DPEP1: variants seen among roughly 807,000 people sequenced by gnomAD.
The protein encoded by DPEP1 is beta-lactamase.
In DPEP1, 50 loss-of-function variants were observed where a neutral mutation model predicts 42.3. The ratio of observed to expected loss-of-function variants is 1.18; its 90% CI spans 0.94 to 1.50. The LOEUF is 1.50. Among genes scored for constraint, DPEP1 ranks in the 40% most tolerant of loss-of-function variants. DPEP1 has a pLI of 0.00. For missense variants in DPEP1, 663 were observed against 553.0 expected, an observed-to-expected ratio of 1.20 and a Z score of -1.99; for synonymous variants, 297 against 234.0, an observed-to-expected ratio of 1.27 and a Z score of -2.46.
At position 89,637,383 on chromosome 16, in the gene DPEP1, G is replaced by T. The variant is rs766770308; in HGVS notation, c.768+3G>T. ...CTGACGACGTCCTGAGGCTGGTGGT[G>T]AGGGCCGAGGGGGCGACCTCCACCC... On this transcript the variant is annotated splice_donor_region_variant and intron_variant, in intron 7 of 10. Transcript: ENST00000690203. 3 of 1,612,088 alleles carry T rather than the reference G, an allele frequency of 1.9e-6. No individual in the cohort carries two copies. The highest frequency in any genetic ancestry group is 2.7e-5 in the African/African-American group (2 of 74,944).
chr16:89,614,397 C>G (rs949273050), intron 1 of DPEP1, among the ~76,000 whole-genome samples: 1 of 152,236 alleles, frequency 6.6e-6, no homozygotes, highest in Admixed American at 6.5e-5. Flanking sequence ...ACTCTCTGTT[C>G]TGGAATTCTC....
intron 2 of DPEP1, among the ~76,000 whole-genome samples, chr16:89,633,834 G>A (rs1193043305): frequency 6.6e-6 from 1 of 151,518 alleles, no homozygotes; most frequent in Non-Finnish European, 1.5e-5. Flanking sequence ...GGCCCCTGTG[G>A]CCTCATCCCA....
chr16:89,624,321 C>T (rs956126617), intron 1 of DPEP1, among the ~76,000 whole-genome samples: 1 of 152,100 alleles, frequency 6.6e-6, no homozygotes, highest in Non-Finnish European at 1.5e-5. Flanking sequence ...CCCAGGGAAC[C>T]TCTCATCACG....
At chr16:89,623,339 C>T (rs1245474818) in intron 1 of DPEP1, among the ~76,000 whole-genome samples, 4 of 152,024 alleles carry the variant, frequency 2.6e-5, no homozygotes, top group Non-Finnish European at 4.4e-5. Flanking sequence ...CCCTGGTAAC[C>T]GGGCATCTCC....
chr16:89,627,654 T>C (rs1454414186), intron 1 of DPEP1, among the ~76,000 whole-genome samples: 38 of 58,826 alleles, frequency 6.5e-4, no homozygotes, highest in African/African-American at 1.9e-3. Context: ...ATTTCTTCTT[T>C]TTTTTTTTTT....
chr16:89,623,056 CCAGA>C (rs1392840948), intron 1 of DPEP1, among the ~76,000 whole-genome samples: 1 of 152,092 alleles, frequency 6.6e-6, no homozygotes, highest in Admixed American at 6.6e-5. Context: ...CCAGGACCAC[CCAGA>C]CAGACACACC....
At chr16:89,618,708 G>C (rs895340858) in intron 1 of DPEP1, among the ~76,000 whole-genome samples, 2 of 152,006 alleles carry the variant, frequency 1.3e-5, no homozygotes, top group Admixed American at 6.5e-5. Context: ...GTGTTGCCCC[G>C]GCTGGTCTCA....
chr16:89,635,984 T>C lies in DPEP1; in HGVS notation c.181T>C (p.Leu61=). The change falls in exon 3 of 11, where the codon TTG becomes CTG. Residue 61 remains leucine (L), a synonymous_variant. Coordinates refer to ENST00000690203, the MANE Select transcript of DPEP1 (RefSeq NM_001389466.1). The part of the protein sequence containing the change: ...LQDERANLTT[L]AGTHTNIPKL... ...GGACGAGAGGGCCAACCTGACCACC[T>C]TGGCCGGCACACACACCAACATCCC... The C allele has an allele frequency of 6.2e-7, 1 of 1,612,334 alleles. No individual in the cohort carries two copies. The highest frequency in any genetic ancestry group is 8.5e-7 in the Non-Finnish European group (1 of 1,179,762).
Position 89,637,926 on chromosome 16 carries a change from C to T in DPEP1, c.1020C>T (p.Gly340=), listed in dbSNP as rs142903138. 1.2e-5 allele frequency: 19 copies of T among 1,611,162 alleles called. No individual in the cohort carries two copies. The highest frequency in any genetic ancestry group is 1.6e-4 in the Middle Eastern group (1 of 6,078). The change falls in exon 10 of 11, where the codon GGC becomes GGT. Residue 340 remains glycine (G), a synonymous_variant. Coordinates refer to ENST00000690203, the MANE Select transcript of DPEP1 (RefSeq NM_001389466.1). ...ACTGGACGGAGGCGGAGGTCAAGGG[C>T]GCACTGGCTGACAACCTGCTGAGGG... ...RRNWTEAEVK[G]ALADNLLRVF...
rs1264132439 is a variant in DPEP1 at position 89,630,331 on chromosome 16, C to T, written c.-80C>T. The T allele has an allele frequency of 1.7e-6, 2 of 1,196,468 alleles. No individual in the cohort carries two copies. The highest frequency in any genetic ancestry group is 2.4e-6 in the Non-Finnish European group (2 of 829,010). 74.1% of individuals were successfully genotyped at this position (1,196,468 alleles called of 1,614,324 possible). On this transcript the variant is annotated 5_prime_UTR_variant, in exon 2 of 11. Coordinates refer to ENST00000690203, the MANE Select transcript of DPEP1 (RefSeq NM_001389466.1). ...CAGAGTGGCTCCTCACAGCCTGAAG[C>T]TCATCCTTCTGCACGGGCCAGCCAG...
chr16:89,616,237 C>G (rs1490069040), intron 1 of DPEP1, among the ~76,000 whole-genome samples: 2 of 152,086 alleles, frequency 1.3e-5, no homozygotes, highest in African/African-American at 4.8e-5. Context: ...ACAGACAAGC[C>G]CACACAGGTA....
chr16:89,637,527 C>G lies in DPEP1; in HGVS notation c.828C>G (p.Asn276Lys). The G allele has an allele frequency of 6.2e-7, 1 of 1,612,794 alleles. No homozygotes were observed. ...NFYNNYISCT[N>K]KANLSQVADH... ...ACAACAATTACATTTCCTGCACCAA[C>G]AAGGCCAACCTGTCCCAAGTGGCCG... The change falls in exon 8 of 11, where the codon AAC becomes AAG. Residue 276 changes from asparagine (N) to lysine (K), a missense_variant. Coordinates refer to ENST00000690203, the MANE Select transcript of DPEP1 (RefSeq NM_001389466.1).
chr16:89,620,414 C>T (rs1239662193), intron 1 of DPEP1, among the ~76,000 whole-genome samples: 3 of 152,166 alleles, frequency 2.0e-5, no homozygotes, highest in Admixed American at 2.0e-4. Context: ...ATACCCTACA[C>T]TACTGCCTGG....
upstream of DPEP1, chr16:89,613,429 G>A (rs1175891631): frequency 6.6e-6 from 1 of 152,220 alleles, no homozygotes; most frequent in Non-Finnish European, 1.5e-5. Flanking sequence ...CCATCTCCTG[G>A]AGCAAAGTTC....
intron 2 of DPEP1, among the ~76,000 whole-genome samples, chr16:89,632,342 C>T (rs1053069406): frequency 7.2e-5 from 11 of 152,206 alleles, no homozygotes; most frequent in South Asian, 2.1e-4. Context: ...CGTGAGCCAC[C>T]GCGCCCGGCC....
downstream of DPEP1, among the ~76,000 whole-genome samples, chr16:89,641,480 G>A (rs1269958186): frequency 6.6e-6 from 1 of 152,192 alleles, no homozygotes; most frequent in Non-Finnish European, 1.5e-5. Flanking sequence ...TTTGTCCTAG[G>A]TTATAATTGT....
At chr16:89,613,410 G>A (rs2059349796), upstream of DPEP1, 1 of 152,306 alleles carries the variant, frequency 6.6e-6, no homozygotes, top group African/African-American at 2.4e-5. Context: ...GGGAGGTCAG[G>A]ACGCAGAGCC....
chr16:89,630,432 T>C lies in DPEP1; in HGVS notation c.22T>C (p.Trp8Arg). 1 of 1,610,732 alleles carries C rather than the reference T, an allele frequency of 6.2e-7. No homozygotes were observed. Among genetic ancestry groups the C allele is most frequent in the South Asian group, 1.1e-5 (1 of 90,826 alleles). ...CACCATGTGGAGCGGATGGTGGCTGTGGCCCCTTGTGGCCGTCTGCACTGC... is the reference window on the plus strand; with the variant it reads ...CACCATGTGGAGCGGATGGTGGCTGCGGCCCCTTGTGGCCGTCTGCACTGC... MWSGWWL[W>R]PLVAVCTADF... The change falls in exon 2 of 11, where the codon TGG (tryptophan) becomes CGG (arginine). Residue 8 changes from tryptophan to arginine, a missense_variant. By Grantham distance (101) the Trp-to-Arg change is moderately radical. Transcript: ENST00000690203.
Position 89,635,921 on chromosome 16 carries a change from C to A in DPEP1, c.118C>A (p.Pro40Thr). Residue 40 changes from proline (P) to threonine (T), a missense_variant, in exon 3 of 11, where the codon CCC becomes ACC. Transcript: ENST00000690203. ...SPVIDGHNDL[P>T]WQLLDMFNNR... ...GGCAAACTCCAGGCACAATGACCTC[C>A]CCTGGCAGCTGCTGGATATGTTCAA... is the stretch of plus-strand genomic sequence containing the variant. 6.2e-7 allele frequency: 1 copy of A among 1,605,854 alleles called. No individual in the cohort carries two copies. Among genetic ancestry groups the A allele is most frequent in the East Asian group, 2.2e-5 (1 of 44,864 alleles).
Sources: allele counts gnomAD v4.1 joint callset (sites outside exome capture counted in the v4.1 genomes callset), GRCh38; gene constraint gnomAD v4.1.1; transcripts MANE v1.5; gene names NCBI Gene and HGNC (gene_info 2026-07-23, HGNC 2026-07-21).